PHF3: variants seen among roughly 807,000 people sequenced by gnomAD.
PHF3 encodes the protein PHD finger protein 3.
A neutral mutation model predicts 178.4 loss-of-function variants in PHF3; 41 were observed. The ratio of observed to expected loss-of-function variants is 0.23; its 90% confidence interval spans 0.18 to 0.30. The LOEUF is 0.30. PHF3 is among the 10% of genes least tolerant of loss of function. The pLI, the probability that PHF3 is intolerant of heterozygous loss-of-function variation, is 1.00. For missense variants in PHF3, 2,346 were observed against 2,398.1 expected (o/e 0.98, Z 0.45); for synonymous variants, 842 against 800.5 (o/e 1.05, Z -0.88).
chr6:63,636,472 CCCGCCGCCGCTGAGGCGCGGGCGCG>C (rs1764344273), intron 1 of PHF3: 1 of 152,100 alleles, frequency 6.6e-6, no homozygotes, highest in Admixed American at 6.5e-5. Flanking sequence ...GCGAGGGCGC[CCCGCCGCCGCTGAGGCGCGGGCGCG>C]CAGGCCCGAG....
chr6:63,661,555 T>C (rs1196428890), intron 2 of PHF3, among the ~76,000 whole-genome samples: 2 of 152,170 alleles, frequency 1.3e-5, no homozygotes, highest in African/African-American at 2.4e-5. Flanking sequence ...TCAATGAACA[T>C]AGGGCTTTTT....
At chr6:63,702,211 A>G (rs1156845912) in intron 9 of PHF3, 4 of 169,154 alleles carry the variant, frequency 2.4e-5, no homozygotes, top group Non-Finnish European at 5.1e-5. Context: ...TCAAATACAA[A>G]TAGTATGTTT....
At chr6:63,701,715 A>T (rs988642891) in intron 9 of PHF3, among the ~76,000 whole-genome samples, 1 of 152,108 alleles carries the variant, frequency 6.6e-6, no homozygotes, top group East Asian at 1.9e-4. Flanking sequence ...CCTTCACCGT[A>T]TGTAATTTCT....
intron 2 of PHF3, among the ~76,000 whole-genome samples, chr6:63,664,101 G>T (rs1765581068): frequency 6.6e-6 from 1 of 152,168 alleles, no homozygotes; most frequent in African/African-American, 2.4e-5. Flanking sequence ...TGGTTATTGG[G>T]CAACAGCTAG....
chr6:63,715,592 C>T lies in PHF3; in HGVS notation c.*1884C>T, dbSNP rs1182724919. 3 of 152,036 alleles carry T rather than the reference C, an allele frequency of 2.0e-5. No homozygotes were observed. Among genetic ancestry groups the T allele is most frequent in the Admixed American group, 6.6e-5 (1 of 15,226 alleles). The allele number at this position is 152,036 out of a possible 1,614,324, so 9.4% of individuals were successfully genotyped here. On this transcript the variant is annotated 3_prime_UTR_variant, in exon 16 of 16. Coordinates refer to ENST00000262043, the MANE Select transcript of PHF3 (RefSeq NM_001370348.2). ...TTAGGTCAGTTTTTGATCACCTCTT[C>T]GCTAATAGTTTTTTCTACATATCTA...
chr6:63,697,914 G>A (rs1394118872), intron 6 of PHF3, among the ~76,000 whole-genome samples: 2 of 152,098 alleles, frequency 1.3e-5, no homozygotes, highest in African/African-American at 2.4e-5. Context: ...GTGGTATTAG[G>A]TTATCTGCTC....
At chr6:63,676,610 G>C (rs149904322) in intron 2 of PHF3, among the ~76,000 whole-genome samples, 3,172 of 152,312 alleles carry the variant, frequency 0.021, 105 homozygotes, top group African/African-American at 0.07. Context: ...GAATCAGCAG[G>C]GGGAGGAGAT....
chr6:63,683,704 GA>G (rs1383459097), intron 3 of PHF3, among the ~76,000 whole-genome samples: 1 of 152,002 alleles, frequency 6.6e-6, no homozygotes, highest in African/African-American at 2.4e-5. Context: ...TTTAGCACTG[GA>G]ATATATTTGG....
intron 8 of PHF3, among the ~76,000 whole-genome samples, chr6:63,700,058 T>C (rs1453566874): frequency 1.3e-5 from 2 of 152,204 alleles, no homozygotes; most frequent in Non-Finnish European, 2.9e-5. Context: ...CTTATTGTTA[T>C]GGTTATATTG....
rs1476349051 is a variant in PHF3 at position 63,686,133 on chromosome 6, C to A, written c.2189+222C>A. 6 of 495,628 alleles carry A rather than the reference C, an allele frequency of 1.2e-5. No homozygotes were observed. The South Asian group carries it at 1.8e-4, about 15-fold the overall frequency. The allele number at this position is 495,628 out of a possible 1,614,324, so 30.7% of individuals were successfully genotyped here. On this transcript the variant is annotated intron_variant, in intron 4 of 15. Transcript: ENST00000262043. ...ATTTAAAAAAGCATAGTCTGGCCAA[C>A]AGCTGACATACATGGAAATATTTTG...
At position 63,715,889 on chromosome 6, in the gene PHF3, C is replaced by A. The variant is rs529148577; in HGVS notation, c.*2181C>A. 6.6e-6 allele frequency among the ~76,000 whole-genome samples: 1 copy of A among 152,126 alleles called. No individual in the cohort carries two copies. Among genetic ancestry groups the A allele is most frequent in the Non-Finnish European group, 1.5e-5 (1 of 68,018 alleles). Reference sequence around the variant, plus strand: ...TCAGTCCCAGGTACAACCAGCCTTACACAAACTAGTGAATTACATGAATTT... The same window carrying A: ...TCAGTCCCAGGTACAACCAGCCTTAAACAAACTAGTGAATTACATGAATTT... On this transcript the variant is annotated 3_prime_UTR_variant, in exon 16 of 16. Coordinates refer to ENST00000262043, the MANE Select transcript of PHF3 (RefSeq NM_001370348.2).
At chr6:63,660,142 G>C (rs1765404742) in intron 2 of PHF3, among the ~76,000 whole-genome samples, 1 of 151,800 alleles carries the variant, frequency 6.6e-6, no homozygotes, top group Non-Finnish European at 1.5e-5. Context: ...AAAGATGTGT[G>C]AGTGCCCAAA....
intron 3 of PHF3, 78 bp downstream of exon 3, chr6:63,680,239 G>C: frequency 8.3e-7 from 1 of 1,202,270 alleles, no homozygotes; most frequent in Admixed American, 2.5e-5. Context: ...CTGCTGAGCA[G>C]AAATCATATT....
At chr6:63,656,690 G>A (rs1157710603) in intron 2 of PHF3, among the ~76,000 whole-genome samples, 1 of 152,000 alleles carries the variant, frequency 6.6e-6, no homozygotes, top group Non-Finnish European at 1.5e-5. Context: ...CCCTGTATTC[G>A]ATCTTCTTTA....
rs1768452943 is a variant in PHF3, at chr6:63,722,736, C to CTCCAG, written c.*9029_*9033dup. 6.6e-6 allele frequency among the ~76,000 whole-genome samples: 1 copy of CTCCAG among 152,190 alleles called. No homozygotes were observed. ...ATTATGCTACACTACTTCTTCCTCCCTCCAGAGTGCCTATTTCCACACCTC... is the reference window on the plus strand; with the variant it reads ...ATTATGCTACACTACTTCTTCCTCCCTCCAGTCCAGAGTGCCTATTTCCACACCTC... On this transcript the variant is annotated 3_prime_UTR_variant, in exon 16 of 16. Transcript: ENST00000262043.
rs763266941 is a variant in PHF3, at chr6:63,685,141, C to T, written c.1419C>T (p.Ser473=). The T allele has an allele frequency of 1.2e-5, 20 of 1,613,762 alleles. 1 individual carries two copies. The African/African-American group carries it at 2.7e-4, about 22-fold the overall frequency. ...CAAACCTTCAGGATGACAGAAACAG[C>T]CAGTCAAGTAGCGTTTCTTACTTAG... ...ETANLQDDRN[S]QSSSVSYLES... is the part of the protein sequence containing the mutation. Residue 473 remains serine (S), a synonymous_variant, in exon 4 of 16, where the codon AGC becomes AGT. Transcript: ENST00000262043.
intron 11 of PHF3, among the ~76,000 whole-genome samples, chr6:63,704,971 A>G (rs1305157470): frequency 6.6e-6 from 1 of 152,170 alleles, no homozygotes; most frequent in African/African-American, 2.4e-5. Flanking sequence ...TGGCCATTCT[A>G]ATAGGTGTAT....
intron 2 of PHF3, among the ~76,000 whole-genome samples, chr6:63,647,171 T>C (rs1452438615): frequency 6.6e-6 from 1 of 152,106 alleles, no homozygotes; most frequent in Non-Finnish European, 1.5e-5. Flanking sequence ...TTGAGACATG[T>C]GGTCACCTTA....
Position 63,724,413 on chromosome 6 carries a change from T to C in PHF3, c.*10705T>C, listed in dbSNP as rs535110734. Among the ~76,000 whole-genome samples, 15 of 141,340 alleles carry C rather than the reference T, an allele frequency of 1.1e-4. No homozygotes were observed. The South Asian group carries it at 3.1e-3, about 29-fold the overall frequency. 92.7% of individuals were successfully genotyped at this position (141,340 alleles called of 152,430 possible). A position where few individuals can be genotyped will look rare whatever the true frequency, so the allele number is the denominator to read the frequency against. Reference sequence around the variant, plus strand: ...AAAGGAAAGCAATGGTAATTTAAACTTATTTATATATTTTTAATATAGTTT... The same window carrying C: ...AAAGGAAAGCAATGGTAATTTAAACCTATTTATATATTTTTAATATAGTTT... On this transcript the variant is annotated 3_prime_UTR_variant, in exon 16 of 16. Transcript: ENST00000262043.
Sources: allele counts gnomAD v4.1 joint callset (sites outside exome capture counted in the v4.1 genomes callset), GRCh38; gene constraint gnomAD v4.1.1; transcripts MANE v1.5; gene names NCBI Gene and HGNC (gene_info 2026-07-23, HGNC 2026-07-21).